Variants in XKR9 observed in about 807,000 individuals in gnomAD.
XKR9 encodes the protein XK related 9.
In XKR9, 32 loss-of-function variants were observed where a neutral mutation model predicts 32.0. The observed-to-expected ratio is 1.00, with a 90% CI of 0.76 to 1.34. The LOEUF (loss-of-function observed/expected upper bound fraction) is 1.34. Ranked by LOEUF, XKR9 falls within the 40% of genes most tolerant of loss-of-function variation. The pLI, the probability that XKR9 is intolerant of heterozygous loss-of-function variation, is 0.00. For missense variants in XKR9, 546 were observed against 429.7 expected (o/e 1.27, Z -2.39); for synonymous variants, 168 against 143.4 (o/e 1.17, Z -1.22).
chr8:70,728,253 T>G (rs905246372), intron 4 of XKR9, among the ~76,000 whole-genome samples: 2 of 152,124 alleles, frequency 1.3e-5, no homozygotes, highest in Non-Finnish European at 2.9e-5. Context: ...CTCTTTAGGT[T>G]TTATAACTCT....
At chr8:70,747,537 G>A (rs1414376757) in intron 2 of XKR9, among the ~76,000 whole-genome samples, 1 of 152,216 alleles carries the variant, frequency 6.6e-6, no homozygotes, top group Non-Finnish European at 1.5e-5. Flanking sequence ...TTGAGATGCT[G>A]CAGAGAGTTC....
chr8:70,748,542 G>C (rs571486639), intron 2 of XKR9, among the ~76,000 whole-genome samples: 2 of 152,236 alleles, frequency 1.3e-5, no homozygotes, highest in African/African-American at 4.8e-5. Flanking sequence ...ACTGACAAGC[G>C]TGGGAGGGAG....
chr8:70,950,895 A>G, the XKR9 span, among the ~76,000 whole-genome samples: 9 of 151,916 alleles, frequency 5.9e-5, no homozygotes, highest in African/African-American at 2.2e-4. Flanking sequence ...GCTGTTCTTG[A>G]ACTCCTGACC....
At chr8:70,770,825 C>G (rs1300571285) in intron 2 of XKR9, among the ~76,000 whole-genome samples, 1 of 152,192 alleles carries the variant, frequency 6.6e-6, no homozygotes, top group Non-Finnish European at 1.5e-5. Flanking sequence ...GAATTTCCAG[C>G]CTGTGATCTT....
chr8:71,007,375 T>A, the XKR9 span, among the ~76,000 whole-genome samples: 2 of 152,168 alleles, frequency 1.3e-5, no homozygotes, highest in African/African-American at 4.8e-5. Flanking sequence ...CATCCCTGTT[T>A]AGGGAGTATT....
At chr8:70,706,608 T>C (rs1216847279) in intron 3 of XKR9, among the ~76,000 whole-genome samples, 1 of 152,154 alleles carries the variant, frequency 6.6e-6, no homozygotes, top group Non-Finnish European at 1.5e-5. Flanking sequence ...CACATCACTC[T>C]ATCTTTCTCA....
the XKR9 span, among the ~76,000 whole-genome samples, chr8:70,962,936 C>G: frequency 2.0e-5 from 3 of 152,102 alleles, no homozygotes; most frequent in African/African-American, 7.2e-5. Flanking sequence ...ATGTATAAAG[C>G]CAGGACTTCA....
chr8:71,049,514 G>A, the XKR9 span, among the ~76,000 whole-genome samples: 3 of 152,228 alleles, frequency 2.0e-5, no homozygotes, highest in Admixed American at 6.5e-5. Flanking sequence ...GACATGTGAA[G>A]TGATCCCAAC....
intron 3 of XKR9, among the ~76,000 whole-genome samples, chr8:70,685,666 T>C (rs1157555737): frequency 1.4e-5 from 2 of 139,786 alleles, no homozygotes; most frequent in Non-Finnish European, 1.5e-5. Context: ...TTCTCACTCA[T>C]AGGTGGGAAT....
the XKR9 span, among the ~76,000 whole-genome samples, chr8:71,063,325 G>A: frequency 1.3e-5 from 2 of 152,048 alleles, no homozygotes; most frequent in African/African-American, 2.4e-5. Context: ...CCATTCACAC[G>A]AGAAGTAAAA....
chr8:70,704,397 A>G (rs1405257232), intron 3 of XKR9, among the ~76,000 whole-genome samples: 2 of 152,202 alleles, frequency 1.3e-5, no homozygotes, highest in African/African-American at 4.8e-5. Context: ...ATTTGTAGAC[A>G]GCACTATCTG....
chr8:71,025,042 A>G, the XKR9 span, among the ~76,000 whole-genome samples: 9 of 152,336 alleles, frequency 5.9e-5, no homozygotes, highest in Admixed American at 4.6e-4. Flanking sequence ...GACTTATATA[A>G]TCTTTCTAAT....
chr8:71,030,346 G>A, the XKR9 span, among the ~76,000 whole-genome samples: 1 of 152,038 alleles, frequency 6.6e-6, no homozygotes, highest in Non-Finnish European at 1.5e-5. Flanking sequence ...TTTATATTGT[G>A]TGATCCTCAC....
chr8:70,826,348 A>G, the XKR9 span, among the ~76,000 whole-genome samples: 3 of 152,280 alleles, frequency 2.0e-5, no homozygotes, highest in East Asian at 1.9e-4. Flanking sequence ...AGCAAAAACA[A>G]ACATTGACTT....
chr8:70,877,573 T>A, the XKR9 span, among the ~76,000 whole-genome samples: 25 of 151,888 alleles, frequency 1.6e-4, no homozygotes, highest in African/African-American at 5.8e-4. Flanking sequence ...TGATTGAAGA[T>A]CAAATTAATG....
the XKR9 span, among the ~76,000 whole-genome samples, chr8:70,813,837 T>C: frequency 6.6e-6 from 1 of 152,218 alleles, no homozygotes; most frequent in African/African-American, 2.4e-5. Context: ...ACTTTTACAC[T>C]GTTGGTGGGT....
chr8:71,064,093 C>T, the XKR9 span, among the ~76,000 whole-genome samples: 18 of 152,234 alleles, frequency 1.2e-4, no homozygotes, highest in Admixed American at 1.1e-3. Flanking sequence ...TTTCCTTATA[C>T]ATTTTTAGAC....
At chr8:70,701,068 G>A (rs924422752) in intron 3 of XKR9, among the ~76,000 whole-genome samples, 1 of 152,144 alleles carries the variant, frequency 6.6e-6, no homozygotes, top group Non-Finnish European at 1.5e-5. Context: ...GGAGTGACCC[G>A]ATTTTCCAGG....
chr8:70,961,265 G>A, the XKR9 span, among the ~76,000 whole-genome samples: 1 of 152,096 alleles, frequency 6.6e-6, no homozygotes, highest in Non-Finnish European at 1.5e-5. Flanking sequence ...GAAGCCAAGT[G>A]TATAATAAAA....
Sources: allele counts gnomAD v4.1 joint callset (sites outside exome capture counted in the v4.1 genomes callset), GRCh38; gene constraint gnomAD v4.1.1; transcripts MANE v1.5; gene names NCBI Gene and HGNC (gene_info 2026-07-23, HGNC 2026-07-21).